Variants in HBP1 observed in about 807,000 individuals in gnomAD.
HBP1 encodes the protein HMG-box transcription factor 1.
HBP1 carries 20 observed loss-of-function variants against 62.6 expected under a neutral mutation model. The observed-to-expected ratio is 0.32, with a 90% CI of 0.22 to 0.46. HBP1 has a LOEUF of 0.46. Ranked by LOEUF, HBP1 falls within the 20% of genes least tolerant of loss-of-function variation. The pLI is 1.00. For synonymous variants in HBP1, 232 were observed against 206.2 expected, an observed-to-expected ratio of 1.12 and a Z score of -1.07; for missense variants, 480 against 611.8, an observed-to-expected ratio of 0.78 and a Z score of 2.27.
intron 8 of HBP1, among the ~76,000 whole-genome samples, chr7:107,194,008 G>A (rs1346841564): frequency 6.6e-6 from 1 of 152,178 alleles, no homozygotes; most frequent in East Asian, 1.9e-4. Flanking sequence ...GGCATTCTAA[G>A]CTTAAGGAAT....
intron 3 of HBP1, among the ~76,000 whole-genome samples, chr7:107,182,954 C>T (rs1054092151): frequency 7.2e-5 from 11 of 152,108 alleles, no homozygotes; most frequent in African/African-American, 2.7e-4. Context: ...ATTTTATCAA[C>T]CTTTAGTTGG....
chr7:107,200,321 G>C lies in HBP1; in HGVS notation c.1527+20G>C. 6.2e-7 allele frequency: 1 copy of C among 1,602,128 alleles called. No individual in the cohort carries two copies. Among genetic ancestry groups the C allele is most frequent in the Non-Finnish European group, 8.5e-7 (1 of 1,172,600 alleles). ...AATTCAGTATGTTTCAATAAATAGT[G>C]TTTAAAATTATCTTGCCTTATCCGT... is the stretch of plus-strand genomic sequence containing the variant. On this transcript the variant is annotated intron_variant, in intron 10 of 10. Transcript: ENST00000222574.
chr7:107,195,813 T>C lies in HBP1; in HGVS notation c.1068-21T>C, dbSNP rs1172288011. On this transcript the variant is annotated intron_variant, in intron 8 of 10. Transcript: ENST00000222574. ...AATTCAAAATTGAATTAAAATATTA[T>C]TATTTTTTTTAATTTTATAGCTATG... 6.3e-6 allele frequency: 7 copies of C among 1,118,910 alleles called. No individual in the cohort carries two copies. In the Admixed American group the frequency reaches 7.7e-5, roughly 12 times the overall value. The allele number at this position is 1,118,910 out of a possible 1,614,324, so 69.3% of individuals were successfully genotyped here.
At chr7:107,171,805 A>G (rs1405848482) in intron 1 of HBP1, among the ~76,000 whole-genome samples, 3 of 150,278 alleles carry the variant, frequency 2.0e-5, no homozygotes, top group Non-Finnish European at 4.4e-5. Flanking sequence ...GATTGCAGTG[A>G]GACAAGATCA....
chr7:107,175,841 C>T (rs145503219), intron 1 of HBP1, among the ~76,000 whole-genome samples: 29 of 151,246 alleles, frequency 1.9e-4, no homozygotes, highest in Admixed American at 1.4e-3. Context: ...CTCAGCCTCC[C>T]GAGTAGCTGG....
At chr7:107,169,757 G>A (rs942272125) in intron 1 of HBP1, 1 of 985,436 alleles carries the variant, frequency 1.0e-6, no homozygotes, top group African/African-American at 1.7e-5. Context: ...CTGCGCGCTG[G>A]GGCTGAGCCG....
In HBP1 at chr7:107,171,075, T is replaced by TATATA. The variant is rs1331160955; in HGVS notation, c.-16+1890_-16+1891insATATA. Among the ~76,000 whole-genome samples, 21 of 73,492 alleles carry TATATA rather than the reference T, an allele frequency of 2.9e-4. 1 individual carries two copies. Among genetic ancestry groups the TATATA allele is most frequent in the South Asian group, 1.1e-3 (3 of 2,664 alleles). 48.2% of individuals were successfully genotyped at this position (73,492 alleles called of 152,430 possible). ...TATATATATATATATATATATATAT[T>TATATA]TTTTTTTTTTTTTGAGAGGGAGTCT... On this transcript the variant is annotated intron_variant, in intron 1 of 10. Coordinates refer to ENST00000222574, the MANE Select transcript of HBP1 (RefSeq NM_012257.4).
At chr7:107,179,763 CTA>C (rs770387970) in intron 1 of HBP1, 114 bp from the exon 2 acceptor site, 52 of 599,808 alleles carry the variant, frequency 8.7e-5, no homozygotes, top group Non-Finnish European at 1.2e-4. Flanking sequence ...CAGAGTGTGA[CTA>C]TGTCTCAAAA....
At chr7:107,171,679 C>T (rs980583411) in intron 1 of HBP1, among the ~76,000 whole-genome samples, 1 of 151,736 alleles carries the variant, frequency 6.6e-6, no homozygotes, top group Admixed American at 6.6e-5. Flanking sequence ...GCCTCGCCAA[C>T]GTCGTGAAAT....
intron 1 of HBP1, among the ~76,000 whole-genome samples, chr7:107,170,616 G>C (rs1395512737): frequency 2.0e-5 from 3 of 152,082 alleles, no homozygotes; most frequent in Non-Finnish European, 4.4e-5. Flanking sequence ...TTGAGGAGCC[G>C]TTTAACCACT....
chr7:107,169,150 G>A lies in HBP1; in HGVS notation c.-51G>A. 8.4e-7 allele frequency: 1 copy of A among 1,191,496 alleles called. No individual in the cohort carries two copies. The highest frequency in any genetic ancestry group is 7.0e-5 in the East Asian group (1 of 14,284). The allele number at this position is 1,191,496 out of a possible 1,614,324, so 73.8% of individuals were successfully genotyped here. A position where few individuals can be genotyped will look rare whatever the true frequency, so the allele number is the denominator to read the frequency against. On this transcript the variant is annotated 5_prime_UTR_variant, in exon 1 of 11. Transcript: ENST00000222574. ...TGCTGGTGGTGTTGTCGTGGCCGGA[G>A]CGGCCCGCGCCTGGGCTGCCGGCAC...
At chr7:107,185,397 C>G (rs1022100653) in intron 3 of HBP1, among the ~76,000 whole-genome samples, 1 of 152,104 alleles carries the variant, frequency 6.6e-6, no homozygotes, top group Admixed American at 6.5e-5. Flanking sequence ...TTACACTAAG[C>G]TTAAATGCTG....
chr7:107,196,422 CCAT>C, intron 9 of HBP1: 1 of 397,352 alleles, frequency 2.5e-6, no homozygotes, highest in South Asian at 2.1e-5. Flanking sequence ...GCGCCCACCA[CCAT>C]ACCTGGCTAA....
At chr7:107,196,466 C>A (rs1374526255) in intron 9 of HBP1, 2 of 353,480 alleles carry the variant, frequency 5.7e-6, no homozygotes, top group East Asian at 1.5e-4. Context: ...GACAGGGTTT[C>A]ACCATGTTGG....
chr7:107,175,294 AGGCTCTATT>A (rs1248604637), intron 1 of HBP1, among the ~76,000 whole-genome samples: 23 of 152,246 alleles, frequency 1.5e-4, no homozygotes, highest in African/African-American at 5.5e-4. Flanking sequence ...GCTTTGTGTT[AGGCTCTATT>A]CTGAGCATTT....
Position 107,186,449 on chromosome 7 carries a change from C to T in HBP1, c.629C>T (p.Thr210Ile). The change falls in exon 5 of 11, where the codon ACT becomes ATT. Residue 210 changes from threonine (T) to isoleucine (I), a missense_variant. Transcript: ENST00000222574. ...GGATGGTGCAATTCCTGGCCTTCAA[C>T]TGTCTGGCACTGTTTTTTGAAAGGT... ...DLGWCNSWPS[T>I]VWHCFLKGTR... The T allele has an allele frequency of 6.2e-7, 1 of 1,609,234 alleles. No individual in the cohort carries two copies. The highest frequency in any genetic ancestry group is 8.5e-7 in the Non-Finnish European group (1 of 1,176,592).
At position 107,191,269 on chromosome 7, in the gene HBP1, C is replaced by T. The variant is rs548068448; in HGVS notation, c.1067+952C>T. Among the ~76,000 whole-genome samples, 130 of 152,256 alleles carry T rather than the reference C, an allele frequency of 8.5e-4. 1 individual carries two copies. Among genetic ancestry groups the T allele is most frequent in the Non-Finnish European group, 1.8e-4 (12 of 68,012 alleles). ...AAGCCACATGCTCGATAAATGTCTA[C>T]AAGCTTATGCTCTTAATGCTGTTTG... On this transcript the variant is annotated intron_variant, in intron 8 of 10. Coordinates refer to ENST00000222574, the MANE Select transcript of HBP1 (RefSeq NM_012257.4).
intron 9 of HBP1, among the ~76,000 whole-genome samples, chr7:107,199,117 A>C (rs1798074384): frequency 6.6e-6 from 1 of 152,158 alleles, no homozygotes; most frequent in African/African-American, 2.4e-5. Context: ...ACAGAGTCTC[A>C]TTCTGTTCCC....
chr7:107,178,233 G>A (rs1008262881), intron 1 of HBP1, among the ~76,000 whole-genome samples: 14 of 152,146 alleles, frequency 9.2e-5, no homozygotes, highest in Non-Finnish European at 1.5e-4. Context: ...GGATTCCAAC[G>A]CATAGGCTGA....
Sources: gnomAD v4.1 joint callset for allele counts (sites outside exome capture counted in the v4.1 genomes callset) on GRCh38, gnomAD v4.1.1 for gene constraint, MANE v1.5 for transcripts, NCBI Gene and HGNC (gene_info 2026-07-23, HGNC 2026-07-21) for gene names.